Variants in DPP6 observed in about 807,000 individuals in gnomAD.
DPP6 encodes A-type potassium channel modulatory protein DPP6.
A neutral mutation model predicts 122.6 loss-of-function variants in DPP6; 69 were observed. That is an observed-to-expected ratio of 0.56 (90% CI 0.46 to 0.69). DPP6 has a LOEUF of 0.69. DPP6 is among the 30% of genes least tolerant of loss of function. DPP6 has a pLI of 0.00. For synonymous variants in DPP6, 418 were observed against 433.1 expected (o/e 0.97, Z 0.43); for missense variants, 928 against 1,116.9 (o/e 0.83, Z 2.41).
rs147594999 is a variant in DPP6 at position 154,073,388 on chromosome 7, G to A, written c.243+20325G>A. Among the ~76,000 whole-genome samples the A allele has an allele frequency of 4.1e-3, 618 of 152,282 alleles. 2 individuals carry two copies. Among genetic ancestry groups the A allele is most frequent in the African/African-American group, 0.014 (565 of 41,512 alleles). ...TCTACCAAGGATTTTCCAAGCCTGC[G>A]CTTCCTCCTGTCGTCTCCTTTGCTC... is the stretch of plus-strand genomic sequence containing the variant. On this transcript the variant is annotated intron_variant, in intron 1 of 25. Transcript: ENST00000377770.
At chr7:154,721,815 C>T (rs2131345227) in intron 7 of DPP6, among the ~76,000 whole-genome samples, 1 of 152,162 alleles carries the variant, frequency 6.6e-6, no homozygotes, top group African/African-American at 2.4e-5. Context: ...TCAGGCCAGC[C>T]ACTGTTTTAC....
intron 6 of DPP6, among the ~76,000 whole-genome samples, chr7:154,668,291 G>A (rs184652082): frequency 3.8e-4 from 55 of 143,160 alleles, no homozygotes; most frequent in Non-Finnish European, 6.2e-4. Flanking sequence ...CATGATCTCC[G>A]CTCACTGCAA....
rs1346739169 is a variant in DPP6 at position 154,678,217 on chromosome 7, A to C, written c.762+8776A>C. 3.9e-5 allele frequency among the ~76,000 whole-genome samples: 6 copies of C among 152,232 alleles called. No homozygotes were observed. In the East Asian group the frequency reaches 7.7e-4, roughly 20 times the overall value. On this transcript the variant is annotated intron_variant, in intron 7 of 25. Transcript: ENST00000377770. ...GGGGCGGGCCAAATAAGGAAATAAA[A>C]GCTGGCCACCGCCGCCCAACAGCTG...
intron 1 of DPP6, among the ~76,000 whole-genome samples, chr7:154,137,428 T>A (rs1381374229): frequency 6.6e-6 from 1 of 151,824 alleles, no homozygotes; most frequent in African/African-American, 2.4e-5. Context: ...ACATGTGCAA[T>A]CTTCCAGTAA....
intron 1 of DPP6, among the ~76,000 whole-genome samples, chr7:153,924,195 G>A (rs1800782443): frequency 1.3e-5 from 2 of 151,516 alleles, no homozygotes; most frequent in Non-Finnish European, 2.9e-5. Context: ...TGTGATCTCC[G>A]CCTCCTGAGT....
At chr7:154,310,416 G>A (rs1269032349) in intron 1 of DPP6, among the ~76,000 whole-genome samples, 1 of 152,212 alleles carries the variant, frequency 6.6e-6, no homozygotes, top group Non-Finnish European at 1.5e-5. Context: ...GTGCCATTTA[G>A]CACATCAAAT....
chr7:154,572,666 G>A (rs567912510), intron 5 of DPP6, among the ~76,000 whole-genome samples: 6 of 144,876 alleles, frequency 4.1e-5, no homozygotes, highest in South Asian at 2.3e-4. Context: ...ACAGGCACCC[G>A]CCACCACACA....
At chr7:153,849,922 C>T in the DPP6 span, among the ~76,000 whole-genome samples, 2 of 152,078 alleles carry the variant, frequency 1.3e-5, no homozygotes, top group African/African-American at 4.8e-5. Flanking sequence ...ATTCTGTGCA[C>T]AAGAATCCCT....
At chr7:154,243,358 G>GTTA (rs74282899) in intron 1 of DPP6, among the ~76,000 whole-genome samples, 26,640 of 152,018 alleles carry the variant, frequency 0.18, 2,753 homozygotes, top group Non-Finnish European at 0.23. Context: ...TTTTAAGGCA[G>GTTA]TTATAAATAT....
chr7:154,474,445 C>T (rs1051153604), intron 2 of DPP6, among the ~76,000 whole-genome samples: 6 of 152,242 alleles, frequency 3.9e-5, no homozygotes, highest in African/African-American at 1.4e-4. Context: ...AAGAACTAAC[C>T]CACAACCCAG....
intron 3 of DPP6, among the ~76,000 whole-genome samples, chr7:154,515,106 A>G (rs540488123): frequency 6.6e-6 from 1 of 152,210 alleles, no homozygotes; most frequent in Admixed American, 6.5e-5. Flanking sequence ...AGCAATATAC[A>G]CTTGTCTCTC....
At chr7:154,740,094 G>C (rs1298722252) in intron 8 of DPP6, among the ~76,000 whole-genome samples, 2 of 152,146 alleles carry the variant, frequency 1.3e-5, no homozygotes, top group African/African-American at 4.8e-5. Context: ...TTGGTCTTGA[G>C]AAATGTCCTT....
At chr7:154,311,586 T>C (rs1267959981) in intron 1 of DPP6, among the ~76,000 whole-genome samples, 1 of 152,184 alleles carries the variant, frequency 6.6e-6, no homozygotes, top group Non-Finnish European at 1.5e-5. Flanking sequence ...ATGTGGCTGA[T>C]ATCCTAAAGT....
chr7:153,981,475 G>A (rs866245388), intron 1 of DPP6, among the ~76,000 whole-genome samples: 4 of 152,138 alleles, frequency 2.6e-5, no homozygotes, highest in Non-Finnish European at 5.9e-5. Flanking sequence ...CAGCATACCA[G>A]TGGGTCTTGA....
At chr7:154,158,596 A>C (rs1483742843) in intron 1 of DPP6, among the ~76,000 whole-genome samples, 1 of 151,960 alleles carries the variant, frequency 6.6e-6, no homozygotes, top group Non-Finnish European at 1.5e-5. Context: ...GTAATTTTAA[A>C]TGTTTATTCA....
intron 6 of DPP6, among the ~76,000 whole-genome samples, chr7:154,660,218 A>T (rs10243015): frequency 4.9e-4 from 65 of 133,434 alleles, no homozygotes; most frequent in Admixed American, 1.9e-3. Context: ...TCACCATGGC[A>T]TATTGGCCGT....
intron 21 of DPP6, chr7:154,884,746 CAT>C (rs1244901012): frequency 4.3e-5 from 3 of 69,500 alleles, no homozygotes; most frequent in African/African-American, 1.3e-4. Flanking sequence ...AGTTTACACA[CAT>C]ACTCATACAT....
At chr7:154,615,682 A>G (rs1454786111) in intron 5 of DPP6, among the ~76,000 whole-genome samples, 1 of 151,944 alleles carries the variant, frequency 6.6e-6, no homozygotes, top group African/African-American at 2.4e-5. Context: ...TCCCACTGTT[A>G]CCATTCACAA....
chr7:154,064,554 T>A (rs530870385), intron 1 of DPP6, among the ~76,000 whole-genome samples: 2 of 152,318 alleles, frequency 1.3e-5, no homozygotes, highest in South Asian at 4.1e-4. Context: ...TCTTTAGAAC[T>A]GAAGACCAGA....
Sources: allele counts gnomAD v4.1 joint callset (sites outside exome capture counted in the v4.1 genomes callset), GRCh38; gene constraint gnomAD v4.1.1; transcripts MANE v1.5; gene names NCBI Gene and HGNC (gene_info 2026-07-23, HGNC 2026-07-21).